The following ELOVL6 variants were observed in gnomAD, a reference collection of about 807,000 sequenced individuals.
ELOVL6 encodes the protein very long chain fatty acid elongase 6.
In ELOVL6, 8 loss-of-function variants were observed where a neutral mutation model predicts 31.7. That is an observed-to-expected ratio of 0.25 (90% CI 0.15 to 0.45). The LOEUF is 0.45. ELOVL6 is among the 20% of genes least tolerant of loss of function. The pLI is 1.00. For synonymous variants in ELOVL6, 101 were observed against 117.7 expected, an observed-to-expected ratio of 0.86 and a Z score of 0.92; for missense variants, 126 against 326.4, an observed-to-expected ratio of 0.39 and a Z score of 4.73.
At chr4:110,088,655 T>G (rs1012222900) in intron 2 of ELOVL6, among the ~76,000 whole-genome samples, 1 of 152,206 alleles carries the variant, frequency 6.6e-6, no homozygotes, top group Non-Finnish European at 1.5e-5. Context: ...TGGCTTCTCT[T>G]TGGCATATCC....
intron 2 of ELOVL6, among the ~76,000 whole-genome samples, chr4:110,076,258 T>C (rs968675938): frequency 2.0e-5 from 3 of 152,332 alleles, no homozygotes; most frequent in Admixed American, 2.0e-4. Context: ...TAAACATTAG[T>C]GCAAGTGTTC....
chr4:110,150,965 C>T (rs1449757119), intron 1 of ELOVL6, among the ~76,000 whole-genome samples: 3 of 151,954 alleles, frequency 2.0e-5, no homozygotes, highest in African/African-American at 4.8e-5. Context: ...ACTGCTTGAA[C>T]CTGGGAGGCG....
At chr4:110,061,808 G>A (rs191378335) in intron 2 of ELOVL6, among the ~76,000 whole-genome samples, 115 of 151,848 alleles carry the variant, frequency 7.6e-4, no homozygotes, top group Non-Finnish European at 1.0e-4. Context: ...CACCTGCCTC[G>A]GCCTCCCAAA....
rs1181102313 is a variant in ELOVL6 at position 110,158,662 on chromosome 4, T to A, written c.89+39585A>T. Among the ~76,000 whole-genome samples the A allele has an allele frequency of 3.5e-3, 399 of 113,638 alleles. 1 individual carries two copies. The highest frequency in any genetic ancestry group is 8.3e-3 in the Middle Eastern group (2 of 242). 74.6% of individuals were successfully genotyped at this position (113,638 alleles called of 152,430 possible). A position where few individuals can be genotyped will look rare whatever the true frequency, so the allele number is the denominator to read the frequency against. ...ATATATATATATATATATATATTTT[T>A]TTTTTTTTTTTTTTTGAGACAGAAT... is the stretch of plus-strand genomic sequence containing the variant. On this transcript the variant is annotated intron_variant, in intron 1 of 3. Transcript: ENST00000302274.
chr4:110,056,374 T>C (rs972276172), intron 3 of ELOVL6, among the ~76,000 whole-genome samples: 29 of 152,102 alleles, frequency 1.9e-4, no homozygotes, highest in African/African-American at 6.8e-4. Context: ...GAAAAAAAAG[T>C]CATCCAGGCA....
At chr4:110,118,256 C>G (rs945238525) in intron 1 of ELOVL6, among the ~76,000 whole-genome samples, 2 of 151,910 alleles carry the variant, frequency 1.3e-5, no homozygotes, top group East Asian at 3.9e-4. Flanking sequence ...CTGCGCCTGG[C>G]CAGTGATCTT....
intron 2 of ELOVL6, among the ~76,000 whole-genome samples, chr4:110,086,554 C>T (rs1756270057): frequency 6.6e-6 from 1 of 152,120 alleles, no homozygotes; most frequent in Non-Finnish European, 1.5e-5. Context: ...TCATTAGCTT[C>T]TAAACCACTC....
At chr4:110,177,930 T>C (rs191439240) in intron 1 of ELOVL6, among the ~76,000 whole-genome samples, 114 of 152,332 alleles carry the variant, frequency 7.5e-4, no homozygotes, top group African/African-American at 2.6e-3. Flanking sequence ...CTGAAACTTA[T>C]TGCATTTTGT....
chr4:110,112,129 G>T (rs886556918), intron 1 of ELOVL6, among the ~76,000 whole-genome samples: 2 of 60,770 alleles, frequency 3.3e-5, no homozygotes, highest in Non-Finnish European at 5.7e-5. Flanking sequence ...AGTCATGAAG[G>T]GTACTGAAAG....
chr4:110,073,362 G>A (rs961114869), intron 2 of ELOVL6, among the ~76,000 whole-genome samples: 2 of 151,896 alleles, frequency 1.3e-5, no homozygotes. Context: ...CATTAAGTGT[G>A]TTCTCACAAA....
chr4:110,077,130 G>T (rs898856904), intron 2 of ELOVL6, among the ~76,000 whole-genome samples: 1 of 152,188 alleles, frequency 6.6e-6, no homozygotes, highest in Non-Finnish European at 1.5e-5. Context: ...GCTCAAGGAG[G>T]CCTGCCTGCC....
Position 110,158,600 on chromosome 4 carries a change from C to T in ELOVL6, c.89+39647G>A, listed in dbSNP as rs77203478. 1.7e-4 allele frequency among the ~76,000 whole-genome samples: 23 copies of T among 131,614 alleles called. No individual in the cohort carries two copies. In the East Asian group the frequency reaches 2.5e-3, roughly 14 times the overall value. 86.3% of individuals were successfully genotyped at this position (131,614 alleles called of 152,430 possible). A position where few individuals can be genotyped will look rare whatever the true frequency, so the allele number is the denominator to read the frequency against. On this transcript the variant is annotated intron_variant, in intron 1 of 3. Transcript: ENST00000302274. ...ATATATATATGTATATATATACACA[C>T]ACACACATATATATACACACACATA...
In ELOVL6 at chr4:110,051,327, C is replaced by T; in HGVS notation, c.*11G>A. 1.2e-6 allele frequency: 2 copies of T among 1,610,346 alleles called. No homozygotes were observed. The highest frequency in any genetic ancestry group is 2.7e-5 in the African/African-American group (2 of 74,964). ...TGACCCTGAGCTATGGCTTCCTCCT[C>T]AGTTCCAACACTATTCAGCTTTCGT... On this transcript the variant is annotated 3_prime_UTR_variant, in exon 4 of 4. Transcript: ENST00000302274. The surrounding 1 kb of genome is among the most constrained non-coding windows in gnomAD (Gnocchi z 4.8).
At chr4:110,170,996 G>A (rs924742607) in intron 1 of ELOVL6, among the ~76,000 whole-genome samples, 2 of 152,120 alleles carry the variant, frequency 1.3e-5, no homozygotes, top group Admixed American at 1.3e-4. Context: ...TTCTGATTGA[G>A]TCCTGAGACC....
chr4:110,111,110 A>G (rs1757022316), intron 1 of ELOVL6, among the ~76,000 whole-genome samples: 1 of 152,190 alleles, frequency 6.6e-6, no homozygotes, highest in Non-Finnish European at 1.5e-5. Context: ...CCTTTCCAGG[A>G]AAGTATACCC....
At chr4:110,136,566 AAG>A (rs2126259455) in intron 1 of ELOVL6, among the ~76,000 whole-genome samples, 1 of 152,268 alleles carries the variant, frequency 6.6e-6, no homozygotes, top group East Asian at 1.9e-4. Context: ...ATTGGCTATG[AAG>A]ATTTTCTTTA....
chr4:110,169,723 T>C lies in ELOVL6; in HGVS notation c.89+28524A>G, dbSNP rs534953063. ...TGGATTCTCCCTTAGGAAACAAAAA[T>C]TTTTGATCTAATTTTAAGAAAATTT... is the stretch of plus-strand genomic sequence containing the variant. On this transcript the variant is annotated intron_variant, in intron 1 of 3. Coordinates refer to ENST00000302274, the MANE Select transcript of ELOVL6 (RefSeq NM_024090.3). 2.6e-5 allele frequency among the ~76,000 whole-genome samples: 4 copies of C among 152,122 alleles called. No homozygotes were observed. The South Asian group carries it at 8.3e-4, about 31-fold the overall frequency.
Position 110,084,188 on chromosome 4 carries a change from T to TAACTTATATGATATATATAAC in ELOVL6, c.221+21308_221+21309insGTTATATATATCATATAAGTT, listed in dbSNP as rs1756068170. Among the ~76,000 whole-genome samples, 5 of 78,012 alleles carry TAACTTATATGATATATATAAC rather than the reference T, an allele frequency of 6.4e-5. 2 individuals carry two copies. The highest frequency in any genetic ancestry group is 2.8e-4 in the African/African-American group (5 of 17,916). 51.2% of individuals were successfully genotyped at this position (78,012 alleles called of 152,430 possible). A position where few individuals can be genotyped will look rare whatever the true frequency, so the allele number is the denominator to read the frequency against. On this transcript the variant is annotated intron_variant, in intron 2 of 3. Transcript: ENST00000302274. ...TGTGATATATATGATATATATAACA[T>TAACTTATATGATATATATAAC]ATAACTTATATGATATATATAACAT...
At chr4:110,090,600 C>CTTTTTTGTTTTTTTTTTGTTTTTTTTTT (rs1553956743) in intron 2 of ELOVL6, among the ~76,000 whole-genome samples, 1 of 103,714 alleles carries the variant, frequency 9.6e-6, no homozygotes, top group Non-Finnish European at 1.8e-5. Flanking sequence ...GTTTGACTTT[C>CTTTTTTGTTTTTTTTTTGTTTTTTTTTT]TTTTTTTTTT....
Sources: allele counts gnomAD v4.1 joint callset (sites outside exome capture counted in the v4.1 genomes callset), GRCh38; gene constraint gnomAD v4.1.1; non-coding constraint Gnocchi (gnomAD v3.1); transcripts MANE v1.5; gene names NCBI Gene and HGNC (gene_info 2026-07-23, HGNC 2026-07-21).